DAB2IP: variants seen among roughly 807,000 people sequenced by gnomAD.
DAB2IP encodes disabled homolog 2-interacting protein.
A neutral mutation model predicts 107.2 loss-of-function variants in DAB2IP; 28 were observed. That is an observed-to-expected ratio of 0.26 (90% CI 0.19 to 0.36). The LOEUF is 0.36. Ranked by LOEUF, DAB2IP falls within the 10% of genes least tolerant of loss-of-function variation. DAB2IP has a pLI of 1.00. For missense variants in DAB2IP, 1,400 were observed against 1,644.7 expected, an observed-to-expected ratio of 0.85 and a Z score of 2.57; for synonymous variants, 755 against 706.4, an observed-to-expected ratio of 1.07 and a Z score of -1.09.
chr9:121,758,788 A>G, intron 4 of DAB2IP, 110 bp from the exon 5 acceptor site: 1 of 907,528 alleles, frequency 1.1e-6, no homozygotes, highest in South Asian at 1.5e-5. Flanking sequence ...TGAAGCTGTG[A>G]TGCAGACCTG....
intron 1 of DAB2IP, among the ~76,000 whole-genome samples, chr9:121,588,977 A>C: frequency 6.6e-6 from 1 of 150,660 alleles, no homozygotes; most frequent in African/African-American, 2.4e-5. Flanking sequence ...CCTACCCCCC[A>C]CCAAACCCAA....
upstream of DAB2IP, among the ~76,000 whole-genome samples, chr9:121,647,180 G>A (rs1306227455): frequency 6.6e-6 from 1 of 152,104 alleles, no homozygotes; most frequent in African/African-American, 2.4e-5. Flanking sequence ...CTTCCCTGGG[G>A]GAGGCTGGTG....
In DAB2IP at chr9:121,772,902, G is replaced by C. The variant is rs1834876291; in HGVS notation, c.2374G>C (p.Val792Leu). The C allele has an allele frequency of 6.4e-7, 1 of 1,573,800 alleles. No homozygotes were observed. The highest frequency in any genetic ancestry group is 1.2e-5 in the South Asian group (1 of 85,272). The change falls in exon 12 of 16, where the codon GTG becomes CTG. Residue 792 changes from valine (V) to leucine (L), a missense_variant. Around this residue, in one of 3 missense-constraint regions of DAB2IP, gnomAD observed 600 missense variants for 659.1 expected, o/e 0.91. Transcript: ENST00000408936. The surrounding 1 kb of genome is among the most constrained non-coding windows in gnomAD (Gnocchi z 4.7). Reference sequence around the variant, plus strand: ...CGGGTGGCCGGCCCGGGCAACCCCAGTGAACCTGGCAGGGCTGGCCACGGT... The same window carrying C: ...CGGGTGGCCGGCCCGGGCAACCCCACTGAACCTGGCAGGGCTGGCCACGGT...
rs933270198 is a variant in DAB2IP at position 121,776,101 on chromosome 9, A to C, written c.3121-97A>C. The C allele has an allele frequency of 7.0e-7, 1 of 1,421,272 alleles. No homozygotes were observed. The highest frequency in any genetic ancestry group is 2.3e-5 in the Admixed American group (1 of 42,846). 88.0% of individuals were successfully genotyped at this position (1,421,272 alleles called of 1,614,324 possible). Reference sequence around the variant, plus strand: ...GGGTCACAGCCACTGGGGCCTTTCAAGTGGGGCTCCCTCCTACCCTTCCTC... The same window carrying C: ...GGGTCACAGCCACTGGGGCCTTTCACGTGGGGCTCCCTCCTACCCTTCCTC... On this transcript the variant is annotated intron_variant, in intron 13 of 15. Transcript: ENST00000408936. This position sits in a 1 kb window ranked among gnomAD's most constrained non-coding sequence, Gnocchi z 5.4.
intron 3 of DAB2IP, among the ~76,000 whole-genome samples, chr9:121,705,036 C>T (rs767731365): frequency 4.6e-5 from 7 of 152,238 alleles, no homozygotes; most frequent in East Asian, 3.8e-4. Flanking sequence ...CCACAGAATA[C>T]GACCTGGACG....
intron 1 of DAB2IP, among the ~76,000 whole-genome samples, chr9:121,583,961 A>G (rs1830260914): frequency 6.6e-6 from 1 of 151,850 alleles, no homozygotes; most frequent in African/African-American, 2.4e-5. Flanking sequence ...GGAGGATCAC[A>G]AGGTCAAGAG....
chr9:121,758,503 C>T (rs1251255971), intron 4 of DAB2IP, among the ~76,000 whole-genome samples: 2 of 152,158 alleles, frequency 1.3e-5, no homozygotes, highest in Admixed American at 6.5e-5. Context: ...CTTGTGGTTC[C>T]GCCTTTAGGG....
intron 1 of DAB2IP, among the ~76,000 whole-genome samples, chr9:121,620,964 C>T (rs1479149834): frequency 1.3e-5 from 2 of 152,218 alleles, no homozygotes; most frequent in Admixed American, 6.5e-5. Flanking sequence ...TTCCTTTCTC[C>T]TAACAACCAC....
At chr9:121,657,855 GATGGATACTT>G (rs1320456908) in intron 1 of DAB2IP, among the ~76,000 whole-genome samples, 1 of 152,216 alleles carries the variant, frequency 6.6e-6, no homozygotes, top group Non-Finnish European at 1.5e-5. Flanking sequence ...AGGTTGGAGA[GATGGATACTT>G]ATGGCTCCAG....
chr9:121,768,314 T>G, intron 9 of DAB2IP, 118 bp from the exon 10 acceptor site: 1 of 1,075,764 alleles, frequency 9.3e-7, no homozygotes. Flanking sequence ...ACTTGGGGAG[T>G]GAATGGAGTG....
intron 3 of DAB2IP, among the ~76,000 whole-genome samples, chr9:121,733,888 T>A (rs1268655459): frequency 6.6e-6 from 1 of 152,138 alleles, no homozygotes; most frequent in East Asian, 1.9e-4. Flanking sequence ...TGTGATAAGC[T>A]CCAGGTATAA....
At chr9:121,581,300 A>G (rs1384295199) in intron 1 of DAB2IP, among the ~76,000 whole-genome samples, 1 of 152,164 alleles carries the variant, frequency 6.6e-6, no homozygotes, top group African/African-American at 2.4e-5. Flanking sequence ...CTCAGCCTCC[A>G]GTTCCCTGTT....
intron 1 of DAB2IP, among the ~76,000 whole-genome samples, chr9:121,663,037 T>G (rs963730606): frequency 2.6e-4 from 40 of 152,160 alleles, no homozygotes; most frequent in Admixed American, 7.2e-4. Context: ...GAGAGAAGAC[T>G]TTGGGCCGGT....
intron 3 of DAB2IP, among the ~76,000 whole-genome samples, chr9:121,703,451 C>T (rs1233846446): frequency 3.3e-5 from 5 of 152,060 alleles, no homozygotes; most frequent in Admixed American, 1.3e-4. Context: ...GCAGTTTAGA[C>T]AATTGCCAGG....
intron 1 of DAB2IP, among the ~76,000 whole-genome samples, chr9:121,603,537 G>C (rs1423305839): frequency 1.3e-5 from 2 of 152,154 alleles, no homozygotes; most frequent in African/African-American, 4.8e-5. Flanking sequence ...TAAGAGTCAG[G>C]ACCTAAATCC....
chr9:121,570,382 G>C (rs1310062190), intron 1 of DAB2IP, among the ~76,000 whole-genome samples: 1 of 151,888 alleles, frequency 6.6e-6, no homozygotes, highest in South Asian at 2.1e-4. Flanking sequence ...CCAAAGTGCT[G>C]TGATCCTTTT....
At chr9:121,726,547 T>A (rs1467390016) in intron 3 of DAB2IP, among the ~76,000 whole-genome samples, 1 of 152,190 alleles carries the variant, frequency 6.6e-6, no homozygotes, top group African/African-American at 2.4e-5. Flanking sequence ...ATCTGAAGGA[T>A]GGGGGGATAG....
At chr9:121,737,685 C>A (rs577096786) in intron 3 of DAB2IP, 1 of 985,462 alleles carries the variant, frequency 1.0e-6, no homozygotes, top group African/African-American at 1.7e-5. Context: ...AGAACCAGGT[C>A]AGCAGAGAGG....
chr9:121,639,393 G>A (rs1306871054), intron 1 of DAB2IP, among the ~76,000 whole-genome samples: 1 of 152,224 alleles, frequency 6.6e-6, no homozygotes, highest in African/African-American at 2.4e-5. Context: ...TGCCTCAGAT[G>A]GGACCGTGTC....
Sources: gnomAD v4.1 joint callset for allele counts (sites outside exome capture counted in the v4.1 genomes callset) on GRCh38, gnomAD v4.1.1 for gene constraint, gnomAD v4.1.1 regional missense constraint, Gnocchi (gnomAD v3.1) non-coding constraint, MANE v1.5 for transcripts, NCBI Gene and HGNC (gene_info 2026-07-23, HGNC 2026-07-21) for gene names.